Variants in TOX3 observed in about 807,000 individuals in gnomAD.
The protein encoded by TOX3 is TOX high mobility group box family member 3.
Under a neutral mutation model 64.3 loss-of-function variants are expected in TOX3, and 22 were observed. The ratio of observed to expected loss-of-function variants is 0.34; its 90% CI spans 0.24 to 0.49. The LOEUF (loss-of-function observed/expected upper bound fraction) is 0.49. TOX3 is among the 20% of genes least tolerant of loss of function. TOX3 has a pLI of 0.99. For synonymous variants in TOX3, 291 were observed against 273.6 expected, an observed-to-expected ratio of 1.06 and a Z score of -0.63; for missense variants, 661 against 714.4, an observed-to-expected ratio of 0.93 and a Z score of 0.85.
At chr16:52,537,620 C>G (rs532417441) in intron 1 of TOX3, among the ~76,000 whole-genome samples, 1 of 151,986 alleles carries the variant, frequency 6.6e-6, no homozygotes, top group African/African-American at 2.4e-5. Flanking sequence ...GTTTTTCCTC[C>G]AAAGAACCAC....
In TOX3 at chr16:52,464,186, C is replaced by T. The variant is rs1960784906; in HGVS notation, c.156G>A (p.Gln52=). The change falls in exon 3 of 7, where the codon CAG becomes CAA. Residue 52 remains glutamine, a splice_region_variant and synonymous_variant. Coordinates refer to ENST00000219746, the MANE Select transcript of TOX3 (RefSeq NM_001080430.4). ...CCCCAAGGCTTGGTGTGTGGAATGT[C>T]TGCTAAAAGGAAACAAAATACAGGT... The part of the protein sequence containing the change: ...ANNAFFAASE[Q]TFHTPSLGDE... 2.0e-6 allele frequency: 3 copies of T among 1,511,862 alleles called. No homozygotes were observed. The highest frequency in any genetic ancestry group is 4.8e-5 in the East Asian group (2 of 41,264). The allele number at this position is 1,511,862 out of a possible 1,614,324, so 93.7% of individuals were successfully genotyped here.
intron 1 of TOX3, among the ~76,000 whole-genome samples, chr16:52,533,794 G>A (rs2151486252): frequency 6.6e-6 from 1 of 152,314 alleles, no homozygotes; most frequent in South Asian, 2.1e-4. Flanking sequence ...AATCTATAGT[G>A]GAAGTCAGAA....
At position 52,438,228 on chromosome 16, in the gene TOX3, T is replaced by C. The variant is rs575085260; in HGVS notation, c.*997A>G. ...ATAAGCAACGTAGCAATGAATGGTT[T>C]ATGTCACCAGTGTTTACGTTAAAGC... On this transcript the variant is annotated 3_prime_UTR_variant, in exon 7 of 7. Transcript: ENST00000219746. 6.5e-6 allele frequency: 1 copy of C among 152,766 alleles called. No homozygotes were observed. Among genetic ancestry groups the C allele is most frequent in the South Asian group, 2.1e-4 (1 of 4,820 alleles). 9.5% of individuals were successfully genotyped at this position (152,766 alleles called of 1,614,324 possible).
At chr16:52,481,963 C>A (rs1293822666) in intron 1 of TOX3, among the ~76,000 whole-genome samples, 1 of 152,184 alleles carries the variant, frequency 6.6e-6, no homozygotes, top group Non-Finnish European at 1.5e-5. Context: ...ACAGAAATCA[C>A]ATTCCTCCCA....
intron 1 of TOX3, among the ~76,000 whole-genome samples, chr16:52,498,878 C>T (rs1961924667): frequency 6.6e-6 from 1 of 152,148 alleles, no homozygotes; most frequent in Non-Finnish European, 1.5e-5. Flanking sequence ...GAAGGATGTA[C>T]GCGGGGCCTT....
At chr16:52,466,255 T>C (rs1960860678) in intron 2 of TOX3, among the ~76,000 whole-genome samples, 1 of 152,202 alleles carries the variant, frequency 6.6e-6, no homozygotes, top group African/African-American at 2.4e-5. Flanking sequence ...ATATTTAAAG[T>C]ACTTTAAAAA....
chr16:52,448,945 C>T (rs549788907), intron 4 of TOX3, among the ~76,000 whole-genome samples: 12 of 152,336 alleles, frequency 7.9e-5, no homozygotes, highest in Non-Finnish European at 1.5e-4. Flanking sequence ...CTCTCATTTG[C>T]TGATAGCCAT....
At chr16:52,457,274 T>G (rs1960547995) in intron 3 of TOX3, among the ~76,000 whole-genome samples, 1 of 152,216 alleles carries the variant, frequency 6.6e-6, no homozygotes, top group Non-Finnish European at 1.5e-5. Flanking sequence ...TTGTAAATAT[T>G]ACACATTATT....
rs781448317 is a variant in TOX3 at position 52,468,586 on chromosome 16, C to T, written c.88-12G>A. The T allele has an allele frequency of 1.9e-6, 3 of 1,603,700 alleles. No homozygotes were observed. The highest frequency in any genetic ancestry group is 2.6e-6 in the Non-Finnish European group (3 of 1,172,166). ...TTATTATTTCCAAACTGAAAGAAAA[C>T]AGATTGTTTTACGTTAATATGCGGC... is the stretch of plus-strand genomic sequence containing the variant. On this transcript the variant is annotated splice_polypyrimidine_tract_variant and intron_variant, in intron 1 of 6. Coordinates refer to ENST00000219746, the MANE Select transcript of TOX3 (RefSeq NM_001080430.4).
At chr16:52,519,947 C>T (rs930392029) in intron 1 of TOX3, among the ~76,000 whole-genome samples, 1 of 145,820 alleles carries the variant, frequency 6.9e-6, no homozygotes, top group African/African-American at 2.6e-5. Context: ...CTCCAGCCTG[C>T]GTGACAGAGC....
intron 1 of TOX3, among the ~76,000 whole-genome samples, chr16:52,531,746 T>A (rs1962855411): frequency 1.3e-5 from 2 of 152,150 alleles, no homozygotes; most frequent in Admixed American, 6.5e-5. Flanking sequence ...AGGAAAATGG[T>A]AGCTGTCTAA....
chr16:52,502,170 T>C (rs1448590338), intron 1 of TOX3, among the ~76,000 whole-genome samples: 1 of 152,234 alleles, frequency 6.6e-6, no homozygotes, highest in African/African-American at 2.4e-5. Context: ...GTGCCTACTA[T>C]TTGCCAGGCT....
chr16:52,542,220 A>G (rs1203274305), intron 1 of TOX3, among the ~76,000 whole-genome samples: 1 of 152,136 alleles, frequency 6.6e-6, no homozygotes, highest in Non-Finnish European at 1.5e-5. Context: ...GGTGTCACAA[A>G]TTTCTTTACG....
intron 1 of TOX3, among the ~76,000 whole-genome samples, chr16:52,510,808 T>G: frequency 7.0e-6 from 1 of 143,192 alleles, no homozygotes; most frequent in Non-Finnish European, 1.5e-5. Flanking sequence ...AAAAGAAAAT[T>G]TGTCTTCTGG....
chr16:52,493,090 C>A (rs1682329468), intron 1 of TOX3, among the ~76,000 whole-genome samples: 1 of 152,114 alleles, frequency 6.6e-6, no homozygotes, highest in Admixed American at 6.5e-5. Context: ...ATATTCATAC[C>A]TGCAAAAGAC....
At chr16:52,440,607 G>A (rs1045838569) in intron 6 of TOX3, among the ~76,000 whole-genome samples, 5 of 152,136 alleles carry the variant, frequency 3.3e-5, no homozygotes, top group Non-Finnish European at 7.3e-5. Flanking sequence ...AGTACCATAT[G>A]TTTAAAGACA....
intron 3 of TOX3, among the ~76,000 whole-genome samples, chr16:52,456,855 G>A (rs1458364954): frequency 2.0e-5 from 3 of 152,198 alleles, no homozygotes; most frequent in Non-Finnish European, 4.4e-5. Context: ...CTGGGCCTGA[G>A]TTCTGCTTTC....
At chr16:52,489,435 C>A (rs1431303896) in intron 1 of TOX3, among the ~76,000 whole-genome samples, 1 of 152,158 alleles carries the variant, frequency 6.6e-6, no homozygotes, top group African/African-American at 2.4e-5. Context: ...CTCCAAAGCC[C>A]ATGGACATGT....
At chr16:52,533,579 C>A (rs1289805567) in intron 1 of TOX3, among the ~76,000 whole-genome samples, 3 of 152,162 alleles carry the variant, frequency 2.0e-5, no homozygotes, top group Non-Finnish European at 4.4e-5. Flanking sequence ...ACTGTTTACA[C>A]CCCTTTTGTG....
Sources: gnomAD v4.1 joint callset for allele counts (sites outside exome capture counted in the v4.1 genomes callset) on GRCh38, gnomAD v4.1.1 for gene constraint, MANE v1.5 for transcripts, NCBI Gene and HGNC (gene_info 2026-07-23, HGNC 2026-07-21) for gene names.